The following TENM3 variants were observed in gnomAD, a reference collection of about 807,000 sequenced individuals.
The protein encoded by TENM3 is teneurin-3.
Under a neutral mutation model 255.1 loss-of-function variants are expected in TENM3, and 63 were observed. The ratio of observed to expected loss-of-function variants is 0.25; its 90% confidence interval spans 0.20 to 0.30. The LOEUF (loss-of-function observed/expected upper bound fraction) is 0.30, where lower values mean the gene tolerates loss of function less well. Among genes scored for constraint, TENM3 ranks in the 10% least tolerant of loss-of-function variants. The probability of loss-of-function intolerance (pLI) is 1.00; values close to 1 mark genes in which losing one functional copy is unlikely to be tolerated. For missense variants in TENM3, 2,929 were observed against 3,461.1 expected, an observed-to-expected ratio of 0.85 and a Z score of 3.86; for synonymous variants, 1,306 against 1,322.3, an observed-to-expected ratio of 0.99 and a Z score of 0.27.
At chr4:181,611,773 A>T in the TENM3 span, among the ~76,000 whole-genome samples, 1 of 152,222 alleles carries the variant, frequency 6.6e-6, no homozygotes, top group African/African-American at 2.4e-5. Flanking sequence ...CATCCTCACT[A>T]ATTCACAAAC....
At chr4:182,013,670 T>C in the TENM3 span, among the ~76,000 whole-genome samples, 3 of 152,100 alleles carry the variant, frequency 2.0e-5, no homozygotes, top group Admixed American at 6.5e-5. Flanking sequence ...AGAGGGTCTG[T>C]GGGATCAGCT....
At chr4:181,686,017 A>G in the TENM3 span, among the ~76,000 whole-genome samples, 3 of 152,188 alleles carry the variant, frequency 2.0e-5, no homozygotes, top group Non-Finnish European at 2.9e-5. Flanking sequence ...ATGCAGGATG[A>G]CAAATGAAAA....
At chr4:182,450,562 G>A (rs954970080) in intron 3 of TENM3, among the ~76,000 whole-genome samples, 3 of 152,186 alleles carry the variant, frequency 2.0e-5, no homozygotes, top group Non-Finnish European at 4.4e-5. Flanking sequence ...ATGAATTTGA[G>A]ATCCGCTATA....
chr4:182,489,911 G>T (rs1735125482), intron 3 of TENM3, among the ~76,000 whole-genome samples: 1 of 149,774 alleles, frequency 6.7e-6, no homozygotes, highest in Non-Finnish European at 1.5e-5. Flanking sequence ...CCCCTTCTGG[G>T]ATGTTGCCTT....
At chr4:182,607,783 G>C (rs1291415015) in intron 4 of TENM3, among the ~76,000 whole-genome samples, 1 of 152,140 alleles carries the variant, frequency 6.6e-6, no homozygotes, top group Non-Finnish European at 1.5e-5. Context: ...ATAAATTGCA[G>C]ATACTGTATA....
At chr4:181,859,242 C>CAA in the TENM3 span, among the ~76,000 whole-genome samples, 28,652 of 82,482 alleles carry the variant, frequency 0.35, 6,412 homozygotes, top group Non-Finnish European at 0.44. Context: ...GACTCGGTCT[C>CAA]AAAAAAAAAA....
the TENM3 span, among the ~76,000 whole-genome samples, chr4:181,602,639 G>A: frequency 3.3e-5 from 5 of 152,258 alleles, no homozygotes; most frequent in South Asian, 8.3e-4. Context: ...AGAAGAAATA[G>A]GCAGGGAAAA....
chr4:182,370,908 G>T (rs994579471), intron 3 of TENM3, among the ~76,000 whole-genome samples: 2 of 152,070 alleles, frequency 1.3e-5, no homozygotes, highest in Admixed American at 6.5e-5. Context: ...AGGAAGCCTC[G>T]AGAGACAAAC....
At chr4:182,718,973 TC>T (rs764370667) in intron 13 of TENM3, among the ~76,000 whole-genome samples, 42 of 152,168 alleles carry the variant, frequency 2.8e-4, no homozygotes, top group Middle Eastern at 3.4e-3. Context: ...CAATGCATTG[TC>T]CCTGGCAGTC....
the TENM3 span, among the ~76,000 whole-genome samples, chr4:181,976,982 C>A: frequency 6.6e-6 from 1 of 152,210 alleles, no homozygotes; most frequent in African/African-American, 2.4e-5. Context: ...ACATACACAT[C>A]ATCTCTAATT....
intron 3 of TENM3, among the ~76,000 whole-genome samples, chr4:182,502,975 T>A (rs1736470583): frequency 6.7e-6 from 1 of 149,722 alleles, no homozygotes; most frequent in South Asian, 2.1e-4. Flanking sequence ...GTCCTTTATC[T>A]GAAACTGGTT....
At chr4:182,424,654 G>T (rs1292512499) in intron 3 of TENM3, among the ~76,000 whole-genome samples, 2 of 152,030 alleles carry the variant, frequency 1.3e-5, no homozygotes, top group Non-Finnish European at 2.9e-5. Context: ...TGCCTAAAAC[G>T]AACTAAATTG....
chr4:182,621,365 T>C (rs550083461), intron 4 of TENM3, among the ~76,000 whole-genome samples: 1 of 151,734 alleles, frequency 6.6e-6, no homozygotes, highest in Admixed American at 6.6e-5. Context: ...AAGGCCCCAG[T>C]CTGATATACA....
At chr4:181,523,502 G>A in the TENM3 span, among the ~76,000 whole-genome samples, 63 of 151,990 alleles carry the variant, frequency 4.1e-4, no homozygotes, top group Admixed American at 2.3e-3. Context: ...GAAAGGACTA[G>A]AAATAAAAAC....
In TENM3 at chr4:182,789,480, G is replaced by T. The variant is rs1334728791; in HGVS notation, c.5601+91G>T. 45 of 1,179,270 alleles carry T rather than the reference G, an allele frequency of 3.8e-5. No homozygotes were observed. Among genetic ancestry groups the T allele is most frequent in the Non-Finnish European group, 5.1e-5 (43 of 840,864 alleles). The allele number at this position is 1,179,270 out of a possible 1,614,324, so 73.1% of individuals were successfully genotyped here. A position where few individuals can be genotyped will look rare whatever the true frequency, so the allele number is the denominator to read the frequency against. On this transcript the variant is annotated intron_variant, in intron 25 of 27. Coordinates refer to ENST00000511685, the MANE Select transcript of TENM3 (RefSeq NM_001080477.4). The surrounding 1 kb of genome is among the most constrained non-coding windows in gnomAD (Gnocchi z 4.4). ...AGCACTAAGGGGAAAAAAAACAGTGGCACATGACTGAGTTCCATTTGTTAT... is the reference window on the plus strand; with the variant it reads ...AGCACTAAGGGGAAAAAAAACAGTGTCACATGACTGAGTTCCATTTGTTAT...
intron 3 of TENM3, among the ~76,000 whole-genome samples, chr4:182,398,143 A>G (rs532934303): frequency 1.0e-3 from 157 of 152,204 alleles, no homozygotes; most frequent in African/African-American, 3.6e-3. Flanking sequence ...CTCATTTACT[A>G]CAAAGTGAAA....
intron 1 of TENM3, among the ~76,000 whole-genome samples, chr4:182,230,096 A>T (rs976703558): frequency 2.0e-5 from 3 of 150,898 alleles, no homozygotes; most frequent in African/African-American, 7.3e-5. Flanking sequence ...CAGACAGAGA[A>T]ATTTCATGTC....
chr4:182,432,458 C>A (rs1771733333), intron 3 of TENM3, among the ~76,000 whole-genome samples: 2 of 152,132 alleles, frequency 1.3e-5, no homozygotes, highest in African/African-American at 4.8e-5. Flanking sequence ...AACATTAAAC[C>A]AATCATGCTT....
At position 182,701,210 on chromosome 4, in the gene TENM3, C is replaced by CTTTTTTTTTTTTTTTTTTTT. The variant is rs35538818; in HGVS notation, c.2221+12868_2222-12849dup. Among the ~76,000 whole-genome samples, 182 of 38,666 alleles carry CTTTTTTTTTTTTTTTTTTTT rather than the reference C, an allele frequency of 4.7e-3. 70 individuals carry two copies. The highest frequency in any genetic ancestry group is 5.9e-3 in the African/African-American group (49 of 8,368). 25.4% of individuals were successfully genotyped at this position (38,666 alleles called of 152,430 possible). On this transcript the variant is annotated intron_variant, in intron 12 of 27. Transcript: ENST00000511685. ...TTTTCACATACAGTCCAACTCTTGA[C>CTTTTTTTTTTTTTTTTTTTT]TTTTTTTTTTTTTTTTTTTTTTTTT...
Sources: gnomAD v4.1 joint callset for allele counts (sites outside exome capture counted in the v4.1 genomes callset) on GRCh38, gnomAD v4.1.1 for gene constraint, Gnocchi (gnomAD v3.1) non-coding constraint, MANE v1.5 for transcripts, NCBI Gene and HGNC (gene_info 2026-07-23, HGNC 2026-07-21) for gene names.